The following SGCZ variants were observed in gnomAD, a reference collection of about 807,000 sequenced individuals.
SGCZ encodes the protein zeta-sarcoglycan.
In SGCZ, 40 loss-of-function variants were observed where a neutral mutation model predicts 41.3. The observed-to-expected ratio is 0.97, with a 90% CI of 0.75 to 1.26. SGCZ has a LOEUF of 1.26. Ranked by LOEUF, SGCZ falls within the 50% of genes most tolerant of loss-of-function variation. SGCZ has a pLI of 0.00. For missense variants in SGCZ, 552 were observed against 369.8 expected (o/e 1.49, Z -4.04); for synonymous variants, 206 against 137.5 (o/e 1.50, Z -3.49).
At chr8:14,302,965 C>T (rs966280047) in intron 3 of SGCZ, among the ~76,000 whole-genome samples, 1 of 152,144 alleles carries the variant, frequency 6.6e-6, no homozygotes, top group South Asian at 2.1e-4. Context: ...CAGTCATATT[C>T]GTGCTTCTTA....
chr8:14,956,998 C>A (rs559952136), intron 1 of SGCZ, among the ~76,000 whole-genome samples: 10 of 152,098 alleles, frequency 6.6e-5, no homozygotes, highest in Admixed American at 1.3e-4. Flanking sequence ...TACACACACA[C>A]AATTACATGT....
intron 2 of SGCZ, among the ~76,000 whole-genome samples, chr8:14,351,946 A>G (rs976494256): frequency 6.6e-6 from 1 of 152,118 alleles, no homozygotes; most frequent in African/African-American, 2.4e-5. Context: ...TTTCACATAT[A>G]TAAAGTACAA....
intron 1 of SGCZ, among the ~76,000 whole-genome samples, chr8:14,669,829 T>C (rs1808046573): frequency 6.6e-6 from 1 of 152,176 alleles, no homozygotes; most frequent in Non-Finnish European, 1.5e-5. Context: ...CTCATCGAGA[T>C]CCTCACTTTA....
chr8:14,772,699 A>G (rs1371905536), intron 1 of SGCZ, among the ~76,000 whole-genome samples: 1 of 150,680 alleles, frequency 6.6e-6, no homozygotes, highest in African/African-American at 2.4e-5. Flanking sequence ...TGTTCTTGCA[A>G]TGTTTACTGA....
intron 2 of SGCZ, among the ~76,000 whole-genome samples, chr8:14,405,247 G>T (rs566680226): frequency 1.3e-5 from 2 of 152,250 alleles, no homozygotes; most frequent in Non-Finnish European, 2.9e-5. Flanking sequence ...ATGACTGGAA[G>T]GCAACAAATA....
chr8:14,241,028 G>C (rs752876683), intron 3 of SGCZ, among the ~76,000 whole-genome samples: 3 of 152,078 alleles, frequency 2.0e-5, no homozygotes, highest in African/African-American at 4.8e-5. Flanking sequence ...AAAAAAGAAA[G>C]ACATTTAAGA....
intron 4 of SGCZ, among the ~76,000 whole-genome samples, chr8:14,203,696 T>A (rs1805528971): frequency 6.6e-6 from 1 of 152,156 alleles, no homozygotes; most frequent in Non-Finnish European, 1.5e-5. Flanking sequence ...ACATGGCCTT[T>A]ATAGTCAAGG....
At chr8:14,618,652 C>T (rs566380133) in intron 1 of SGCZ, among the ~76,000 whole-genome samples, 84 of 152,114 alleles carry the variant, frequency 5.5e-4, no homozygotes, top group African/African-American at 1.5e-3. Context: ...TTTTAAAGAG[C>T]GGGATAACTC....
At chr8:15,076,324 G>C (rs1243444639) in intron 1 of SGCZ, among the ~76,000 whole-genome samples, 5 of 152,092 alleles carry the variant, frequency 3.3e-5, no homozygotes, top group African/African-American at 1.2e-4. Flanking sequence ...TAAACACAGA[G>C]GCTACAAACA....
chr8:14,784,817 A>C (rs1800703355), intron 1 of SGCZ, among the ~76,000 whole-genome samples: 1 of 148,048 alleles, frequency 6.8e-6, no homozygotes, highest in Non-Finnish European at 1.5e-5. Flanking sequence ...CAGGAGAATC[A>C]CTTGAACCTG....
At chr8:15,006,298 G>T (rs1802605167) in intron 1 of SGCZ, among the ~76,000 whole-genome samples, 1 of 152,152 alleles carries the variant, frequency 6.6e-6, no homozygotes, top group African/African-American at 2.4e-5. Flanking sequence ...TTATTCATTT[G>T]CAGTAATTCA....
intron 1 of SGCZ, among the ~76,000 whole-genome samples, chr8:15,189,923 G>T (rs541813045): frequency 6.6e-6 from 1 of 152,198 alleles, no homozygotes; most frequent in Admixed American, 6.5e-5. Flanking sequence ...TTCTTGTCTT[G>T]TCATTGATTT....
At chr8:14,272,398 T>C (rs545129746) in intron 3 of SGCZ, among the ~76,000 whole-genome samples, 10 of 152,342 alleles carry the variant, frequency 6.6e-5, no homozygotes, top group Non-Finnish European at 1.2e-4. Context: ...TGCACTATTG[T>C]CCTGAATAAC....
At chr8:14,442,937 A>C (rs1395238561) in intron 2 of SGCZ, among the ~76,000 whole-genome samples, 1 of 152,184 alleles carries the variant, frequency 6.6e-6, no homozygotes, top group Non-Finnish European at 1.5e-5. Context: ...AAATCTCCTT[A>C]AGCTGATAAG....
chr8:14,529,331 G>T (rs576049873), intron 2 of SGCZ, among the ~76,000 whole-genome samples: 3 of 152,140 alleles, frequency 2.0e-5, no homozygotes, highest in South Asian at 2.1e-4. Context: ...CTACTTATAT[G>T]CCCTGTATTC....
At chr8:14,456,671 A>G (rs1800754039) in intron 2 of SGCZ, among the ~76,000 whole-genome samples, 1 of 152,190 alleles carries the variant, frequency 6.6e-6, no homozygotes, top group African/African-American at 2.4e-5. Context: ...TGGAATGAAA[A>G]GGAACTGTAT....
chr8:14,440,682 CGTATACACGT>C (rs375391202), intron 2 of SGCZ, among the ~76,000 whole-genome samples: 2,581 of 115,482 alleles, frequency 0.022, 114 homozygotes, highest in Middle Eastern at 0.035. Flanking sequence ...TATATACATA[CGTATACACGT>C]ATATGTATAT....
rs1585397590 is a variant in SGCZ at position 14,941,238 on chromosome 8, A to G, written c.39+296347T>C. On this transcript the variant is annotated intron_variant, in intron 1 of 7. Coordinates refer to ENST00000382080, the MANE Select transcript of SGCZ (RefSeq NM_139167.4). The stretch of plus-strand genomic sequence containing the variant: ...AAACGCCAAGTTTTATCATAGTAAT[A>G]CCATTTAGGGGGAACTATCCTACAG... Among the ~76,000 whole-genome samples the G allele has an allele frequency of 3.3e-5, 5 of 152,216 alleles. No homozygotes were observed. In the South Asian group the frequency reaches 1.0e-3, roughly 32 times the overall value.
At chr8:14,824,206 C>G (rs1408536862) in intron 1 of SGCZ, among the ~76,000 whole-genome samples, 1 of 151,912 alleles carries the variant, frequency 6.6e-6, no homozygotes, top group Admixed American at 6.6e-5. Context: ...CTATATTTAA[C>G]AGTAAAAATT....
Sources: gnomAD v4.1 joint callset for allele counts (sites outside exome capture counted in the v4.1 genomes callset) on GRCh38, gnomAD v4.1.1 for gene constraint, MANE v1.5 for transcripts, NCBI Gene and HGNC (gene_info 2026-07-23, HGNC 2026-07-21) for gene names.